The following PDZD2 variants were observed in gnomAD, a reference collection of about 807,000 sequenced individuals.
PDZD2 encodes the protein PDZ domain-containing protein 2.
Under a neutral mutation model 220.7 loss-of-function variants are expected in PDZD2, and 90 were observed. The ratio of observed to expected loss-of-function variants is 0.41; its 90% CI spans 0.34 to 0.49. The LOEUF is 0.49. Ranked by LOEUF, PDZD2 falls within the 20% of genes least tolerant of loss-of-function variation. The probability of loss-of-function intolerance (pLI) is 0.28; values close to 1 mark genes in which losing one functional copy is unlikely to be tolerated. For missense variants in PDZD2, 3,174 were observed against 3,608.5 expected (o/e 0.88, Z 3.08); for synonymous variants, 1,375 against 1,450.5 (o/e 0.95, Z 1.18).
chr5:31,868,966 C>T (rs1738488666), intron 2 of PDZD2, among the ~76,000 whole-genome samples: 1 of 152,044 alleles, frequency 6.6e-6, no homozygotes, highest in Admixed American at 6.6e-5. Flanking sequence ...AGAGATGAGG[C>T]TTTGCCATGT....
intron 2 of PDZD2, among the ~76,000 whole-genome samples, chr5:31,916,276 G>A (rs1743669511): frequency 6.6e-6 from 1 of 152,238 alleles, no homozygotes; most frequent in Non-Finnish European, 1.5e-5. Context: ...CTCCCTCGGT[G>A]TCATTCAGAG....
chr5:32,022,711 G>T (rs1346080835), intron 6 of PDZD2, among the ~76,000 whole-genome samples: 2 of 152,084 alleles, frequency 1.3e-5, no homozygotes, highest in Non-Finnish European at 2.9e-5. Context: ...AACATGTACA[G>T]TGGTCCTCAA....
chr5:31,689,353 A>ATATATATATATATTTTTTTTTTT, intron 1 of PDZD2, among the ~76,000 whole-genome samples: 3 of 35,118 alleles, frequency 8.5e-5, no homozygotes, highest in African/African-American at 4.2e-4. Flanking sequence ...ATATATATAT[A>ATATATATATATATTTTTTTTTTT]TTTTTTTTTT....
At chr5:31,729,541 T>C (rs957332064) in intron 1 of PDZD2, among the ~76,000 whole-genome samples, 4 of 152,234 alleles carry the variant, frequency 2.6e-5, no homozygotes, top group African/African-American at 9.6e-5. Flanking sequence ...GAATGGTGTT[T>C]GAACTCAGAG....
intron 2 of PDZD2, among the ~76,000 whole-genome samples, chr5:31,888,802 C>T (rs755939586): frequency 6.6e-6 from 1 of 152,136 alleles, no homozygotes; most frequent in African/African-American, 2.4e-5. Flanking sequence ...TTGATAAATG[C>T]TCTGAGGGAT....
intron 8 of PDZD2, among the ~76,000 whole-genome samples, chr5:32,049,497 C>A (rs73072275): frequency 0.012 from 1,808 of 152,240 alleles, 24 homozygotes; most frequent in African/African-American, 0.041. Flanking sequence ...TTCTAAAGGA[C>A]CTGGGTCAGG....
chr5:31,691,775 G>C (rs1020190106), intron 1 of PDZD2, among the ~76,000 whole-genome samples: 1 of 152,234 alleles, frequency 6.6e-6, no homozygotes, highest in East Asian at 1.9e-4. Context: ...CAGAGTACTA[G>C]ATAGGGAATG....
intron 1 of PDZD2, among the ~76,000 whole-genome samples, chr5:31,777,041 A>G (rs1752702598): frequency 6.6e-6 from 1 of 152,024 alleles, no homozygotes; most frequent in African/African-American, 2.4e-5. Flanking sequence ...GCACTGTGGG[A>G]GCCCCTCTCT....
chr5:31,905,215 A>G (rs934562436), intron 2 of PDZD2, among the ~76,000 whole-genome samples: 2 of 152,094 alleles, frequency 1.3e-5, no homozygotes, highest in African/African-American at 4.8e-5. Flanking sequence ...TCCTGGCCTC[A>G]GGTGATCCAC....
In PDZD2 at chr5:31,780,673, C is replaced by T. The variant is rs554764787; in HGVS notation, c.-360-18216C>T. ...ATATACAGCTCCAAGCACAGAAGCACACATATAACAGGATGTTTTCAAGAG... is the reference window on the plus strand; with the variant it reads ...ATATACAGCTCCAAGCACAGAAGCATACATATAACAGGATGTTTTCAAGAG... On this transcript the variant is annotated intron_variant, in intron 1 of 24. Transcript: ENST00000438447. Among the ~76,000 whole-genome samples the T allele has an allele frequency of 7.2e-5, 11 of 152,220 alleles. No homozygotes were observed. In the South Asian group the frequency reaches 1.7e-3, roughly 23 times the overall value.
intron 4 of PDZD2, among the ~76,000 whole-genome samples, chr5:31,996,527 G>A (rs1186930284): frequency 6.6e-6 from 1 of 152,178 alleles, no homozygotes. Context: ...GCCAACAGGT[G>A]AAACCCCATC....
chr5:31,728,767 C>T (rs182219780), intron 1 of PDZD2, among the ~76,000 whole-genome samples: 2 of 152,298 alleles, frequency 1.3e-5, no homozygotes, highest in East Asian at 3.9e-4. Context: ...CTATTCATAG[C>T]TATTTTATGC....
intron 2 of PDZD2, among the ~76,000 whole-genome samples, chr5:31,969,040 G>A (rs1749023225): frequency 6.6e-6 from 1 of 152,098 alleles, no homozygotes; most frequent in Non-Finnish European, 1.5e-5. Context: ...CTTTGGAGGT[G>A]GAAGGGGCCA....
chr5:31,814,793 G>T (rs978884696), intron 2 of PDZD2, among the ~76,000 whole-genome samples: 2 of 150,886 alleles, frequency 1.3e-5, no homozygotes, highest in African/African-American at 4.9e-5. Flanking sequence ...ACTCCTGCCT[G>T]GGTGACAGCG....
chr5:31,922,768 C>T (rs556945220), intron 2 of PDZD2, among the ~76,000 whole-genome samples: 2 of 152,104 alleles, frequency 1.3e-5, no homozygotes, highest in South Asian at 2.1e-4. Context: ...CCGCCCCCCC[C>T]TCCGGGCTCA....
At chr5:31,709,584 G>A (rs201397668) in intron 1 of PDZD2, among the ~76,000 whole-genome samples, 1 of 152,140 alleles carries the variant, frequency 6.6e-6, no homozygotes, top group African/African-American at 2.4e-5. Context: ...GGAAATGTGG[G>A]TTCAAAAGAA....
In PDZD2 at chr5:32,087,873, C is replaced by G. The variant is rs762213817; in HGVS notation, c.4425C>G (p.Val1475=). Residue 1475 remains valine, a synonymous_variant, in exon 20 of 25, where the codon GTC becomes GTG. Transcript: ENST00000438447. The surrounding 1 kb of genome is among the most constrained non-coding windows in gnomAD (Gnocchi z 4.0). Reference sequence around the variant, plus strand: ...GGAGCTCCTGCCGTGCCGAACCAGTCCCGGGGGGCCAGACCTCCTCCCCGA... The same window carrying G: ...GGAGCTCCTGCCGTGCCGAACCAGTGCCGGGGGGCCAGACCTCCTCCCCGA... The part of the protein sequence containing the change: ...GGGSSCRAEP[V]PGGQTSSPRR... 6.2e-7 allele frequency: 1 copy of G among 1,612,338 alleles called. No individual in the cohort carries two copies. The highest frequency in any genetic ancestry group is 1.7e-5 in the Admixed American group (1 of 59,856).
intron 1 of PDZD2, among the ~76,000 whole-genome samples, chr5:31,710,215 C>T: frequency 6.6e-6 from 1 of 152,130 alleles, no homozygotes; most frequent in East Asian, 1.9e-4. Flanking sequence ...ACTCGAACTC[C>T]CTTTTTGGTT....
At chr5:31,914,458 G>A (rs1221355695) in intron 2 of PDZD2, among the ~76,000 whole-genome samples, 1 of 152,174 alleles carries the variant, frequency 6.6e-6, no homozygotes, top group Non-Finnish European at 1.5e-5. Context: ...AACCCAGGAG[G>A]CGGAGGTTGC....
Sources: allele counts gnomAD v4.1 joint callset (sites outside exome capture counted in the v4.1 genomes callset), GRCh38; gene constraint gnomAD v4.1.1; non-coding constraint Gnocchi (gnomAD v3.1); transcripts MANE v1.5; gene names NCBI Gene and HGNC (gene_info 2026-07-23, HGNC 2026-07-21).